The following RABGEF1 variants were observed in gnomAD, a reference collection of about 807,000 sequenced individuals.
RABGEF1 encodes the protein RAB guanine nucleotide exchange factor 1, also known as rab5 GDP/GTP exchange factor.
A neutral mutation model predicts 57.3 loss-of-function variants in RABGEF1; 26 were observed. That is an observed-to-expected ratio of 0.45 (90% CI 0.33 to 0.63). The LOEUF (loss-of-function observed/expected upper bound fraction) is 0.63, where lower values mean the gene tolerates loss of function less well. RABGEF1 is among the 20% of genes least tolerant of loss of function. RABGEF1 has a pLI of 0.02. For synonymous variants in RABGEF1, 185 were observed against 210.7 expected (o/e 0.88, Z 1.06); for missense variants, 464 against 607.6 (o/e 0.76, Z 2.48).
At chr7:66,745,840 A>G (rs1159664750) in intron 1 of RABGEF1, among the ~76,000 whole-genome samples, 2 of 151,974 alleles carry the variant, frequency 1.3e-5, no homozygotes, top group African/African-American at 4.8e-5. Flanking sequence ...CATGCCTATA[A>G]TACCAGTGCT....
upstream of RABGEF1, among the ~76,000 whole-genome samples, chr7:66,680,019 G>C (rs1351460849): frequency 6.6e-6 from 1 of 152,072 alleles, no homozygotes; most frequent in Admixed American, 6.6e-5. Flanking sequence ...TCCAGCCTGG[G>C]CAACAGTGAG....
intron 3 of RABGEF1, among the ~76,000 whole-genome samples, chr7:66,776,174 A>C (rs1241100263): frequency 2.0e-5 from 3 of 152,172 alleles, no homozygotes; most frequent in African/African-American, 2.4e-5. Flanking sequence ...ACCAACACTG[A>C]TGCTGTCAGA....
intron 4 of RABGEF1, 97 bp from the exon 5 acceptor site, chr7:66,795,414 C>A: frequency 1.1e-6 from 1 of 941,822 alleles, no homozygotes. Context: ...GGCTTACTAC[C>A]AGTACAAGGA....
chr7:66,731,298 G>C (rs560175063), intron 2 of RABGEF1, among the ~76,000 whole-genome samples: 1 of 152,280 alleles, frequency 6.6e-6, no homozygotes, highest in Admixed American at 6.5e-5. Context: ...AGGAGGCCTT[G>C]GAAAACCAGA....
intron 1 of RABGEF1, among the ~76,000 whole-genome samples, chr7:66,764,910 C>G (rs991444414): frequency 1.3e-5 from 2 of 152,206 alleles, no homozygotes; most frequent in African/African-American, 4.8e-5. Flanking sequence ...TTCTTACATT[C>G]TTTTTCAGTA....
chr7:66,740,719 T>A (rs1798704450), upstream of RABGEF1: 1 of 152,446 alleles, frequency 6.6e-6, no homozygotes, highest in Admixed American at 6.6e-5. Flanking sequence ...AGGCGGGAGC[T>A]GGCCGCGGAG....
At chr7:66,793,830 T>C (rs1813334211) in intron 4 of RABGEF1, among the ~76,000 whole-genome samples, 1 of 152,200 alleles carries the variant, frequency 6.6e-6, no homozygotes, top group Admixed American at 6.5e-5. Context: ...TTAAGCCAGA[T>C]GGTCAGACTG....
intron 1 of RABGEF1, among the ~76,000 whole-genome samples, chr7:66,710,245 T>C (rs957992092): frequency 2.0e-5 from 3 of 152,216 alleles, no homozygotes; most frequent in Non-Finnish European, 4.4e-5. Flanking sequence ...TATTACCCCA[T>C]TGATTGGATA....
chr7:66,799,372 G>T lies in RABGEF1; in HGVS notation c.778G>T (p.Asp260Tyr), dbSNP rs754077025. 1 of 1,612,774 alleles carries T rather than the reference G, an allele frequency of 6.2e-7. No homozygotes were observed. Among genetic ancestry groups the T allele is most frequent in the Non-Finnish European group, 8.5e-7 (1 of 1,178,724 alleles). ...PQMLCVPVNE[D>Y]IPEVSDMVVK... ...GATGCTGTGTGTCCCTGTTAATGAA[G>T]ACATCCCAGAAGTGTCTGATATGGT... The change falls in exon 7 of 9, where the codon GAC (aspartate) becomes TAC (tyrosine). Residue 260 changes from aspartate to tyrosine, a missense_variant. Asp to Tyr is a radical substitution (Grantham distance 160). Transcript: ENST00000284957.
rs375110748 is a variant in RABGEF1 at position 66,773,083 on chromosome 7, GT to G, written c.179+1017del. On this transcript the variant is annotated intron_variant, in intron 2 of 8. Coordinates refer to ENST00000284957, the MANE Select transcript of RABGEF1 (RefSeq NM_014504.3). ...TGCCAACTCCTCTAGCTAGTTGTTT[GT>G]TTTTTTTTTTTCATCCAGTCAGCCA... Among the ~76,000 whole-genome samples the G allele has an allele frequency of 1.9e-3, 108 of 57,780 alleles. 1 individual carries two copies. The highest frequency in any genetic ancestry group is 1.6e-3 in the Admixed American group (8 of 5,050). The allele number at this position is 57,780 out of a possible 152,430, so 37.9% of individuals were successfully genotyped here. A position where few individuals can be genotyped will look rare whatever the true frequency, so the allele number is the denominator to read the frequency against.
intron 7 of RABGEF1, among the ~76,000 whole-genome samples, chr7:66,803,797 G>A (rs2129186580): frequency 6.6e-6 from 1 of 151,940 alleles, no homozygotes; most frequent in South Asian, 2.1e-4. Context: ...GCTGAAGCAG[G>A]AGAATCGCTT....
At chr7:66,660,580 C>T in the RABGEF1 span, among the ~76,000 whole-genome samples, 17 of 151,022 alleles carry the variant, frequency 1.1e-4, no homozygotes, top group African/African-American at 2.4e-4. Flanking sequence ...CCAGCACTTT[C>T]GGAGTGCACT....
intron 2 of RABGEF1, among the ~76,000 whole-genome samples, chr7:66,730,272 C>T (rs1165105315): frequency 1.3e-5 from 2 of 152,214 alleles, no homozygotes; most frequent in African/African-American, 2.4e-5. Flanking sequence ...CTCAGCAGCC[C>T]TGAGACCCTG....
At chr7:66,753,741 C>G (rs1802020883) in intron 1 of RABGEF1, among the ~76,000 whole-genome samples, 1 of 130,110 alleles carries the variant, frequency 7.7e-6, no homozygotes, top group Non-Finnish European at 1.6e-5. Flanking sequence ...GAGTCTCACA[C>G]TGTCACCTGG....
chr7:66,743,280 A>G (rs1435578260), intron 1 of RABGEF1, among the ~76,000 whole-genome samples: 3 of 151,468 alleles, frequency 2.0e-5, no homozygotes, highest in African/African-American at 7.3e-5. Context: ...AATGCACTCC[A>G]GCCTGGGCGA....
At chr7:66,778,949 C>T (rs1355526756) in intron 3 of RABGEF1, among the ~76,000 whole-genome samples, 2 of 151,890 alleles carry the variant, frequency 1.3e-5, no homozygotes, top group African/African-American at 4.8e-5. Flanking sequence ...AACCCCGTCT[C>T]TACTAAGAAT....
chr7:66,762,264 G>T (rs1231899131), intron 1 of RABGEF1, among the ~76,000 whole-genome samples: 1 of 152,104 alleles, frequency 6.6e-6, no homozygotes, highest in Non-Finnish European at 1.5e-5. Flanking sequence ...CAGACCAATG[G>T]GTAAATAAGT....
the RABGEF1 span, among the ~76,000 whole-genome samples, chr7:66,676,175 C>T: frequency 6.6e-6 from 1 of 152,034 alleles, no homozygotes; most frequent in Non-Finnish European, 1.5e-5. Flanking sequence ...CAAAAATTAG[C>T]CAGGAGTGGT....
chr7:66,731,084 G>A (rs1395171482), intron 2 of RABGEF1, among the ~76,000 whole-genome samples: 1 of 152,182 alleles, frequency 6.6e-6, no homozygotes, highest in African/African-American at 2.4e-5. Flanking sequence ...TTTCAAGGGG[G>A]CACACAGGGA....
Sources: allele counts gnomAD v4.1 joint callset (sites outside exome capture counted in the v4.1 genomes callset), GRCh38; gene constraint gnomAD v4.1.1; transcripts MANE v1.5; gene names NCBI Gene and HGNC (gene_info 2026-07-23, HGNC 2026-07-21).